Variants in C1QTNF3 observed in about 807,000 individuals in gnomAD.
The protein encoded by C1QTNF3 is complement C1q tumor necrosis factor-related protein 3.
A neutral mutation model predicts 32.6 loss-of-function variants in C1QTNF3; 26 were observed. That is an observed-to-expected ratio of 0.80 (90% CI 0.58 to 1.11). C1QTNF3 has a LOEUF of 1.11. Among genes scored for constraint, C1QTNF3 ranks in the 50% least tolerant of loss-of-function variants. C1QTNF3 has a pLI of 0.00. For synonymous variants in C1QTNF3, 155 were observed against 146.0 expected (o/e 1.06, Z -0.44); for missense variants, 362 against 398.2 (o/e 0.91, Z 0.77).
At chr5:34,196,134 T>G in the C1QTNF3 span, among the ~76,000 whole-genome samples, 3 of 610 alleles carry the variant, frequency 4.9e-3, no homozygotes, top group African/African-American at 0.01. Context: ...GAAATATCTG[T>G]TTTTTTTGTT....
chr5:34,089,597 C>G, the C1QTNF3 span, among the ~76,000 whole-genome samples: 1 of 152,142 alleles, frequency 6.6e-6, no homozygotes, highest in Admixed American at 6.5e-5. Context: ...GCCTCCAAAA[C>G]CGTGAGAAAG....
the C1QTNF3 span, among the ~76,000 whole-genome samples, chr5:34,224,828 T>C: frequency 2.6e-5 from 4 of 152,254 alleles, no homozygotes; most frequent in South Asian, 8.3e-4. Flanking sequence ...AAAGAGCTTC[T>C]GCACAGCAAA....
the C1QTNF3 span, among the ~76,000 whole-genome samples, chr5:34,209,789 C>T: frequency 7.9e-5 from 12 of 152,102 alleles, no homozygotes; most frequent in Admixed American, 5.9e-4. Context: ...AAGAAATATG[C>T]CAGATGTAAA....
chr5:34,066,938 C>G, the C1QTNF3 span, among the ~76,000 whole-genome samples: 37 of 152,034 alleles, frequency 2.4e-4, no homozygotes, highest in Non-Finnish European at 5.4e-4. Flanking sequence ...ATGCTTTTAA[C>G]AGCACTCAAG....
At chr5:34,083,863 C>A in the C1QTNF3 span, among the ~76,000 whole-genome samples, 1 of 151,780 alleles carries the variant, frequency 6.6e-6, no homozygotes, top group African/African-American at 2.4e-5. Flanking sequence ...CAGATGAAGT[C>A]ATTATATTCA....
the C1QTNF3 span, among the ~76,000 whole-genome samples, chr5:34,049,544 T>C: frequency 6.6e-6 from 1 of 152,218 alleles, no homozygotes; most frequent in Non-Finnish European, 1.5e-5. Flanking sequence ...ACTGGCCTCC[T>C]AGTCATTTGA....
At chr5:34,033,625 G>A (rs1353906714) in intron 2 of C1QTNF3, among the ~76,000 whole-genome samples, 167 bp from the exon 3 acceptor site, 1 of 152,156 alleles carries the variant, frequency 6.6e-6, no homozygotes, top group African/African-American at 2.4e-5. Context: ...TCTGAAAGAA[G>A]CCTTAGATAC....
At chr5:34,155,757 TACA>T in the C1QTNF3 span, among the ~76,000 whole-genome samples, 4 of 152,178 alleles carry the variant, frequency 2.6e-5, no homozygotes, top group African/African-American at 9.7e-5. Context: ...TTCAAGAAAC[TACA>T]AATCTTGACT....
chr5:34,056,473 T>G, the C1QTNF3 span, among the ~76,000 whole-genome samples: 14 of 106,976 alleles, frequency 1.3e-4, no homozygotes, highest in Admixed American at 1.0e-3. Context: ...TATATATATA[T>G]ATATATAGAG....
At chr5:34,077,723 G>T in the C1QTNF3 span, among the ~76,000 whole-genome samples, 2 of 151,534 alleles carry the variant, frequency 1.3e-5, no homozygotes, top group Admixed American at 1.3e-4. Context: ...AGGAGAAACT[G>T]GGAGAGGCTG....
At chr5:34,204,135 C>T in the C1QTNF3 span, among the ~76,000 whole-genome samples, 1 of 152,110 alleles carries the variant, frequency 6.6e-6, no homozygotes, top group South Asian at 2.1e-4. Context: ...AACAAATAAA[C>T]ATAAGACTTA....
the C1QTNF3 span, among the ~76,000 whole-genome samples, chr5:34,215,594 A>G: frequency 6.6e-6 from 1 of 152,096 alleles, no homozygotes; most frequent in South Asian, 2.1e-4. Flanking sequence ...AATCAACATA[A>G]AACAACCTTA....
At chr5:34,028,429 T>G (rs1282899991) in intron 4 of C1QTNF3, among the ~76,000 whole-genome samples, 3 of 152,232 alleles carry the variant, frequency 2.0e-5, no homozygotes, top group African/African-American at 7.2e-5. Flanking sequence ...CAGAGGTAAG[T>G]ATGTCCTCTT....
the C1QTNF3 span, chr5:34,168,286 T>TGC: frequency 1.0e-5 from 1 of 96,572 alleles, no homozygotes; most frequent in Non-Finnish European, 2.0e-5. Context: ...TGTGCATGCG[T>TGC]GTGTGTGTGT....
chr5:34,118,602 A>G, the C1QTNF3 span, among the ~76,000 whole-genome samples: 1,082 of 151,802 alleles, frequency 7.1e-3, 18 homozygotes, highest in Non-Finnish European at 0.01. Context: ...CATTTAACAT[A>G]ATATTCCATT....
chr5:34,035,852 T>A, intron 1 of C1QTNF3, 94 bp from the exon 2 acceptor site: 1 of 876,430 alleles, frequency 1.1e-6, no homozygotes, highest in Non-Finnish European at 1.8e-6. Flanking sequence ...TAGGTAAGCT[T>A]AATTCCAATC....
chr5:34,107,921 T>C, the C1QTNF3 span, among the ~76,000 whole-genome samples: 1 of 152,068 alleles, frequency 6.6e-6, no homozygotes, highest in Non-Finnish European at 1.5e-5. Flanking sequence ...TACCACAAGA[T>C]ACTAGTAAAA....
the C1QTNF3 span, among the ~76,000 whole-genome samples, chr5:34,140,044 C>T: frequency 2.6e-5 from 4 of 152,158 alleles, no homozygotes; most frequent in Non-Finnish European, 5.9e-5. Flanking sequence ...AGCACATCCT[C>T]AACAAAGAAT....
At chr5:34,087,570 CTTTTTTTT>C in the C1QTNF3 span, among the ~76,000 whole-genome samples, 8 of 70,024 alleles carry the variant, frequency 1.1e-4, no homozygotes, top group African/African-American at 1.8e-4. Flanking sequence ...ACGCTTTTGT[CTTTTTTTT>C]TTTTTTTTTT....
Sources: gnomAD v4.1 joint callset for allele counts (sites outside exome capture counted in the v4.1 genomes callset) on GRCh38, gnomAD v4.1.1 for gene constraint, MANE v1.5 for transcripts, NCBI Gene and HGNC (gene_info 2026-07-23, HGNC 2026-07-21) for gene names.